The following TENM4 variants were observed in gnomAD, a reference collection of about 807,000 sequenced individuals.
The protein encoded by TENM4 is teneurin transmembrane protein 4.
Under a neutral mutation model 243.3 loss-of-function variants are expected in TENM4, and 82 were observed. The observed-to-expected ratio is 0.34, with a 90% CI of 0.28 to 0.40. The LOEUF (loss-of-function observed/expected upper bound fraction) is 0.40, where lower values mean the gene tolerates loss of function less well. TENM4 is among the 10% of genes least tolerant of loss of function. TENM4 has a pLI of 1.00. For missense variants in TENM4, 3,138 were observed against 3,673.3 expected (o/e 0.85, Z 3.77); for synonymous variants, 1,412 against 1,456.3 (o/e 0.97, Z 0.69).
intron 16 of TENM4, among the ~76,000 whole-genome samples, chr11:78,780,201 C>A (rs190665101): frequency 3.4e-4 from 52 of 152,314 alleles, no homozygotes; most frequent in African/African-American, 9.4e-4. Context: ...GGACAGCCCA[C>A]ACGAAAAATG....
At chr11:79,379,120 C>T (rs1405452767) in intron 1 of TENM4, among the ~76,000 whole-genome samples, 3 of 152,116 alleles carry the variant, frequency 2.0e-5, no homozygotes, top group South Asian at 4.2e-4. Context: ...AAGGCCTTTA[C>T]AAGCGAGGGT....
intron 1 of TENM4, among the ~76,000 whole-genome samples, chr11:79,385,632 C>A: frequency 6.6e-6 from 1 of 152,104 alleles, no homozygotes; most frequent in African/African-American, 2.4e-5. Flanking sequence ...CAAAAAATAA[C>A]CCCTTTTCTA....
At chr11:79,380,739 AT>A (rs747431190) in intron 1 of TENM4, among the ~76,000 whole-genome samples, 1 of 152,184 alleles carries the variant, frequency 6.6e-6, no homozygotes, top group Non-Finnish European at 1.5e-5. Context: ...CAGGAAACAG[AT>A]TTTGGGAAAT....
chr11:79,037,239 G>T (rs1331949614), intron 6 of TENM4, among the ~76,000 whole-genome samples: 1 of 152,180 alleles, frequency 6.6e-6, no homozygotes, highest in Non-Finnish European at 1.5e-5. Flanking sequence ...AGGCTCTCTT[G>T]CTGTCAGCTG....
At chr11:79,107,418 C>A (rs562862052) in intron 4 of TENM4, among the ~76,000 whole-genome samples, 41 of 152,262 alleles carry the variant, frequency 2.7e-4, no homozygotes, top group African/African-American at 7.7e-4. Flanking sequence ...TCTCTCCACC[C>A]ACCTCTGTGG....
intron 4 of TENM4, among the ~76,000 whole-genome samples, chr11:79,116,506 C>G (rs1336315256): frequency 6.1e-5 from 1 of 16,418 alleles, no homozygotes; most frequent in African/African-American, 4.2e-4. Context: ...CGTGACGGTG[C>G]TGTGAAATAG....
rs576004712 is a variant in TENM4, at chr11:79,284,043, AG to A, written c.-265+13444del. Among the ~76,000 whole-genome samples, 48 of 152,340 alleles carry A rather than the reference AG, an allele frequency of 3.2e-4. 1 individual carries two copies. In the East Asian group the frequency reaches 9.1e-3, roughly 29 times the overall value. On this transcript the variant is annotated intron_variant, in intron 2 of 33. Coordinates refer to ENST00000278550, the MANE Select transcript of TENM4 (RefSeq NM_001098816.3). Reference sequence around the variant, plus strand: ...CTAAATATTATAAAACAGATTAAAAAGAAATTAAAGCCGCCTTGAATAAATG... The same window carrying A: ...CTAAATATTATAAAACAGATTAAAAAAAATTAAAGCCGCCTTGAATAAATG...
In TENM4 at chr11:78,722,815, G is replaced by A; in HGVS notation, c.3653C>T (p.Pro1218Leu). The A allele has an allele frequency of 6.2e-7, 1 of 1,614,048 alleles. No individual in the cohort carries two copies. The highest frequency in any genetic ancestry group is 8.5e-7 in the Non-Finnish European group (1 of 1,179,898). The change falls in exon 24 of 34, where the codon CCC (proline) becomes CTC (leucine). Residue 1218 changes from proline (P) to leucine (L), a missense_variant. Physicochemically the swap from Pro to Leu is moderately conservative, Grantham distance 98. This residue lies in a region of TENM4 where 2,467 missense variants were observed against 3,059.1 expected (regional missense o/e 0.81). Transcript: ENST00000278550. ...GCCGTCAGCAAGGCCGTTGCAGCTG[G>A]GGCAGGAGATGCTTCTCCGGCGCCC... is the stretch of plus-strand genomic sequence containing the variant. ...GNGRRRSISCPSCNGLADGNK... is the reference protein window; with the variant it reads ...GNGRRRSISCLSCNGLADGNK...
Position 78,657,336 on chromosome 11 carries a change from G to A in TENM4, c.*722C>T. 2.5e-6 allele frequency: 1 copy of A among 396,630 alleles called. No individual in the cohort carries two copies. The highest frequency in any genetic ancestry group is 4.4e-6 in the Non-Finnish European group (1 of 225,918). 24.6% of individuals were successfully genotyped at this position (396,630 alleles called of 1,614,324 possible). On this transcript the variant is annotated 3_prime_UTR_variant, in exon 34 of 34. Coordinates refer to ENST00000278550, the MANE Select transcript of TENM4 (RefSeq NM_001098816.3). Reference sequence around the variant, plus strand: ...ACACTTTCTCTATCCCAGCATGGGGGTGGCACCGACAACTACACAGGATTT... The same window carrying A: ...ACACTTTCTCTATCCCAGCATGGGGATGGCACCGACAACTACACAGGATTT...
intron 1 of TENM4, among the ~76,000 whole-genome samples, chr11:79,309,031 A>G (rs891923385): frequency 6.6e-6 from 1 of 152,140 alleles, no homozygotes; most frequent in Non-Finnish European, 1.5e-5. Context: ...CTATAGAGAT[A>G]AGATAATAAG....
chr11:79,140,504 C>G (rs1002564587), intron 4 of TENM4, among the ~76,000 whole-genome samples: 3 of 152,058 alleles, frequency 2.0e-5, no homozygotes, highest in African/African-American at 7.2e-5. Context: ...CTGTTTAAGA[C>G]GCTTCCAAGT....
intron 15 of TENM4, 150 bp from the exon 16 acceptor site, chr11:78,787,233 T>C: frequency 1.1e-6 from 1 of 908,128 alleles, no homozygotes; most frequent in Non-Finnish European, 1.6e-6. Context: ...ATACCTGGGC[T>C]TCTGTGACAG....
intron 7 of TENM4, among the ~76,000 whole-genome samples, chr11:78,896,985 G>C (rs2136311586): frequency 6.6e-6 from 1 of 152,266 alleles, no homozygotes. Context: ...TGGCATCTGG[G>C]AACTCAGGTT....
At chr11:79,037,270 T>A (rs1859413533) in intron 6 of TENM4, among the ~76,000 whole-genome samples, 1 of 152,188 alleles carries the variant, frequency 6.6e-6, no homozygotes, top group Admixed American at 6.5e-5. Context: ...GAGGCAGCCC[T>A]CAACTACATG....
intron 1 of TENM4, among the ~76,000 whole-genome samples, chr11:79,393,569 C>T (rs1858280341): frequency 6.6e-6 from 1 of 152,186 alleles, no homozygotes; most frequent in Non-Finnish European, 1.5e-5. Context: ...GCCCTCTGGT[C>T]AGCTCCTTTA....
chr11:79,249,411 C>T (rs1288795334), intron 2 of TENM4, among the ~76,000 whole-genome samples: 1 of 152,138 alleles, frequency 6.6e-6, no homozygotes, highest in Non-Finnish European at 1.5e-5. Context: ...AAAGGTATGA[C>T]AGCATAACCC....
At chr11:78,770,125 T>A (rs1856617479) in intron 18 of TENM4, among the ~76,000 whole-genome samples, 1 of 152,220 alleles carries the variant, frequency 6.6e-6, no homozygotes. Flanking sequence ...TTTTTTCATA[T>A]CTTTATCTTT....
intron 2 of TENM4, among the ~76,000 whole-genome samples, chr11:79,273,306 C>A (rs1565278266): frequency 6.6e-6 from 1 of 152,114 alleles, no homozygotes; most frequent in Non-Finnish European, 1.5e-5. Flanking sequence ...TTAAAGTAAC[C>A]ATCTTAAACT....
At chr11:78,746,158 TCTGAGTGA>T (rs1346832208) in intron 19 of TENM4, among the ~76,000 whole-genome samples, 2 of 152,218 alleles carry the variant, frequency 1.3e-5, no homozygotes, top group Non-Finnish European at 2.9e-5. Flanking sequence ...ACAGGGGTCT[TCTGAGTGA>T]CTGAGTCCAC....
Sources: allele counts gnomAD v4.1 joint callset (sites outside exome capture counted in the v4.1 genomes callset), GRCh38; gene constraint gnomAD v4.1.1; regional missense constraint gnomAD v4.1.1; transcripts MANE v1.5; gene names NCBI Gene and HGNC (gene_info 2026-07-23, HGNC 2026-07-21).